Variants in RORA observed in about 807,000 individuals in gnomAD.
RORA encodes the protein RAR related orphan receptor A.
In RORA, 7 loss-of-function variants were observed where a neutral mutation model predicts 69.5. The observed-to-expected ratio is 0.10, with a 90% CI of 0.06 to 0.19. The LOEUF (loss-of-function observed/expected upper bound fraction) is 0.19, where lower values mean the gene tolerates loss of function less well. RORA is among the 10% of genes least tolerant of loss of function. The pLI, the probability that RORA is intolerant of heterozygous loss-of-function variation, is 1.00. For missense variants in RORA, 457 were observed against 663.0 expected (o/e 0.69, Z 3.41); for synonymous variants, 261 against 240.8 (o/e 1.08, Z -0.78).
At chr15:60,880,148 T>C (rs1009471954) in intron 1 of RORA, among the ~76,000 whole-genome samples, 4 of 152,188 alleles carry the variant, frequency 2.6e-5, no homozygotes, top group African/African-American at 9.7e-5. Context: ...CACCTTACTC[T>C]TTGGTTTCCA....
chr15:61,189,856 CAAAAAA>C (rs71125907), intron 1 of RORA, among the ~76,000 whole-genome samples: 1 of 42,890 alleles, frequency 2.3e-5, no homozygotes, highest in South Asian at 1.7e-3. Context: ...GACTCTGTCT[CAAAAAA>C]AAAAAAAAAA....
intron 1 of RORA, among the ~76,000 whole-genome samples, chr15:60,960,958 C>G (rs1893399740): frequency 6.6e-6 from 1 of 152,186 alleles, no homozygotes; most frequent in Non-Finnish European, 1.5e-5. Context: ...CAAGGTCACA[C>G]AGATAGCAAG....
At chr15:61,227,416 C>T (rs2080157177) in intron 1 of RORA, among the ~76,000 whole-genome samples, 1 of 152,138 alleles carries the variant, frequency 6.6e-6, no homozygotes, top group Admixed American at 6.5e-5. Flanking sequence ...CCTTTTGTCC[C>T]AGCCCTCGCC....
chr15:60,778,060 C>T (rs1331650540), intron 1 of RORA, among the ~76,000 whole-genome samples: 6 of 152,136 alleles, frequency 3.9e-5, no homozygotes, highest in Non-Finnish European at 8.8e-5. Flanking sequence ...CTATAGCCTC[C>T]GGCAAGAAAA....
chr15:61,160,531 A>G (rs1420434899), intron 1 of RORA, among the ~76,000 whole-genome samples: 1 of 152,208 alleles, frequency 6.6e-6, no homozygotes, highest in Non-Finnish European at 1.5e-5. Flanking sequence ...AATTCTGCAA[A>G]TGTTAAGCAT....
chr15:61,205,291 C>T (rs920980067), intron 1 of RORA, among the ~76,000 whole-genome samples: 14 of 152,164 alleles, frequency 9.2e-5, no homozygotes, highest in African/African-American at 1.4e-4. Context: ...TGCAAAGCAC[C>T]GGTAGAGCTG....
chr15:60,954,193 C>CA (rs1215570688), intron 1 of RORA, among the ~76,000 whole-genome samples: 1 of 137,220 alleles, frequency 7.3e-6, no homozygotes, highest in Admixed American at 7.6e-5. Flanking sequence ...ATCGCAAGAA[C>CA]AAAAAACCAA....
intron 1 of RORA, among the ~76,000 whole-genome samples, chr15:60,823,939 T>G (rs916930655): frequency 2.0e-5 from 3 of 152,210 alleles, no homozygotes; most frequent in Non-Finnish European, 4.4e-5. Context: ...ACATTTTTTT[T>G]GGAGAAATAA....
chr15:60,890,597 G>C (rs2073803400), intron 1 of RORA, among the ~76,000 whole-genome samples: 1 of 152,258 alleles, frequency 6.6e-6, no homozygotes, highest in South Asian at 2.1e-4. Flanking sequence ...AGAGAGAGCA[G>C]TGGTGATAAG....
At chr15:61,188,093 G>A (rs139161141) in intron 1 of RORA, among the ~76,000 whole-genome samples, 9 of 152,100 alleles carry the variant, frequency 5.9e-5, no homozygotes, top group African/African-American at 9.6e-5. Flanking sequence ...ATTCCCTGTC[G>A]TTCCCCCGAA....
chr15:60,599,749 T>C (rs2068773767), intron 2 of RORA, among the ~76,000 whole-genome samples: 1 of 152,180 alleles, frequency 6.6e-6, no homozygotes, highest in Non-Finnish European at 1.5e-5. Flanking sequence ...CTGCAAACTA[T>C]ACACTTTCAG....
At chr15:61,143,532 A>G (rs1023411085) in intron 1 of RORA, among the ~76,000 whole-genome samples, 6 of 152,228 alleles carry the variant, frequency 3.9e-5, no homozygotes, top group Non-Finnish European at 7.3e-5. Flanking sequence ...CTATTAAGAC[A>G]TACAGTAAAG....
chr15:60,777,905 T>C (rs1480288992), intron 1 of RORA, among the ~76,000 whole-genome samples: 1 of 152,192 alleles, frequency 6.6e-6, no homozygotes, highest in Non-Finnish European at 1.5e-5. Flanking sequence ...TGGGTTACGG[T>C]TGCCTCACAA....
intron 1 of RORA, among the ~76,000 whole-genome samples, chr15:61,091,447 G>C (rs2078705451): frequency 6.6e-6 from 1 of 152,162 alleles, no homozygotes. Flanking sequence ...GGGCCTGATG[G>C]AAGCACTTGT....
intron 1 of RORA, among the ~76,000 whole-genome samples, chr15:61,058,173 C>G (rs2078122020): frequency 6.6e-6 from 1 of 152,020 alleles, no homozygotes; most frequent in South Asian, 2.1e-4. Flanking sequence ...TAAGAACCCG[C>G]AAGGTGTTGT....
chr15:61,222,890 C>T (rs2080111388), intron 1 of RORA, among the ~76,000 whole-genome samples: 1 of 152,182 alleles, frequency 6.6e-6, no homozygotes, highest in African/African-American at 2.4e-5. Flanking sequence ...AAAGATACCC[C>T]TTCAATATAT....
intron 1 of RORA, among the ~76,000 whole-genome samples, chr15:61,193,334 G>T (rs2079818230): frequency 6.6e-6 from 1 of 152,224 alleles, no homozygotes; most frequent in Non-Finnish European, 1.5e-5. Flanking sequence ...CTACATCCCA[G>T]CCCTGCACAA....
chr15:60,889,703 G>A (rs2073793627), intron 1 of RORA, among the ~76,000 whole-genome samples: 1 of 152,186 alleles, frequency 6.6e-6, no homozygotes, highest in Non-Finnish European at 1.5e-5. Context: ...AATCCCCCAA[G>A]TTAAAATGTT....
rs1409703364 is a variant in RORA, at chr15:61,131,459, A to T, written c.166+97594T>A. 6.6e-6 allele frequency among the ~76,000 whole-genome samples: 1 copy of T among 152,198 alleles called. No individual in the cohort carries two copies. The highest frequency in any genetic ancestry group is 2.1e-4 in the South Asian group (1 of 4,820). ...ACACAGCTGCAGGCTCTTTGGAGCT[A>T]CTCCTGGGTTGGGGTGAGTGGGGAC... On this transcript the variant is annotated intron_variant, in intron 1 of 10. Coordinates refer to ENST00000335670, the MANE Select transcript of RORA (RefSeq NM_134261.3). This position sits in a 1 kb window ranked among gnomAD's most constrained non-coding sequence, Gnocchi z 4.2.
Sources: gnomAD v4.1 joint callset for allele counts (sites outside exome capture counted in the v4.1 genomes callset) on GRCh38, gnomAD v4.1.1 for gene constraint, Gnocchi (gnomAD v3.1) non-coding constraint, MANE v1.5 for transcripts, NCBI Gene and HGNC (gene_info 2026-07-23, HGNC 2026-07-21) for gene names.